GLIS1: variants seen among roughly 807,000 people sequenced by gnomAD.
GLIS1 encodes GLIS family zinc finger 1.
GLIS1 carries 24 observed loss-of-function variants against 63.8 expected under a neutral mutation model. The observed-to-expected ratio is 0.38, with a 90% confidence interval of 0.27 to 0.53. The LOEUF (loss-of-function observed/expected upper bound fraction) is 0.53, where lower values mean the gene tolerates loss of function less well. Among genes scored for constraint, GLIS1 ranks in the 20% least tolerant of loss-of-function variants. GLIS1 has a pLI of 0.85. For synonymous variants in GLIS1, 450 were observed against 482.5 expected, an observed-to-expected ratio of 0.93 and a Z score of 0.88; for missense variants, 1,036 against 1,074.1, an observed-to-expected ratio of 0.96 and a Z score of 0.50.
At chr1:53,599,913 T>A (rs966761640) in intron 3 of GLIS1, among the ~76,000 whole-genome samples, 188 bp downstream of exon 3, 3 of 152,216 alleles carry the variant, frequency 2.0e-5, no homozygotes, top group Non-Finnish European at 4.4e-5. Context: ...AACAGAACCA[T>A]CTTGTGTCTC....
In GLIS1 at chr1:53,506,458, C is replaced by A; in HGVS notation, c.*161G>T. 1.4e-6 allele frequency: 1 copy of A among 703,742 alleles called. No homozygotes were observed. 43.6% of individuals were successfully genotyped at this position (703,742 alleles called of 1,614,324 possible). ...TCAAGCTCGGATGGCGGCTCCCTGG[C>A]AGCGCTGGGTGGGGTGGCAGCGCTG... On this transcript the variant is annotated 3_prime_UTR_variant, in exon 11 of 11. Transcript: ENST00000628545.
At chr1:53,689,078 C>T (rs759494678) in intron 2 of GLIS1, among the ~76,000 whole-genome samples, 33 of 152,242 alleles carry the variant, frequency 2.2e-4, no homozygotes, top group Non-Finnish European at 4.4e-4. Flanking sequence ...TCTCTCAGGT[C>T]GTTTGATGGT....
intron 2 of GLIS1, among the ~76,000 whole-genome samples, chr1:53,616,155 A>G (rs1645480499): frequency 6.6e-6 from 1 of 152,166 alleles, no homozygotes; most frequent in South Asian, 2.1e-4. Context: ...AAATTCCATG[A>G]TTCTCTGATC....
At chr1:53,612,827 T>C (rs1478866625) in intron 2 of GLIS1, among the ~76,000 whole-genome samples, 1 of 151,478 alleles carries the variant, frequency 6.6e-6, no homozygotes, top group African/African-American at 2.4e-5. Flanking sequence ...TGCCTTTTTT[T>C]TTTTTTTTTG....
intron 2 of GLIS1, among the ~76,000 whole-genome samples, chr1:53,700,174 G>A (rs1292742460): frequency 1.3e-5 from 2 of 152,144 alleles, no homozygotes; most frequent in Non-Finnish European, 2.9e-5. Context: ...AGTGCGCAAG[G>A]CCCTCGGCCT....
At chr1:53,509,412 G>C (rs1644274162) in intron 9 of GLIS1, 125 bp from the exon 10 acceptor site, 3 of 1,065,676 alleles carry the variant, frequency 2.8e-6, no homozygotes, top group African/African-American at 1.6e-5. Flanking sequence ...GTGTGAGAGA[G>C]AGAGGAGGGC....
chr1:53,659,608 A>G (rs1646004117), intron 2 of GLIS1, among the ~76,000 whole-genome samples: 1 of 152,116 alleles, frequency 6.6e-6, no homozygotes, highest in South Asian at 2.1e-4. Flanking sequence ...GCAGACCCAG[A>G]GCCAATAATG....
chr1:53,516,967 AC>A (rs1319955278), intron 7 of GLIS1, among the ~76,000 whole-genome samples: 3 of 152,134 alleles, frequency 2.0e-5, no homozygotes, highest in Admixed American at 6.5e-5. Flanking sequence ...CAAAATAACT[AC>A]CATTAATTAA....
intron 2 of GLIS1, among the ~76,000 whole-genome samples, chr1:53,645,101 C>T (rs999392150): frequency 6.6e-5 from 10 of 152,200 alleles, no homozygotes; most frequent in Non-Finnish European, 1.0e-4. Context: ...CTGGCTATTC[C>T]GCACTCATGC....
intron 2 of GLIS1, among the ~76,000 whole-genome samples, chr1:53,647,951 C>A (rs1262612271): frequency 6.6e-6 from 1 of 152,122 alleles, no homozygotes; most frequent in South Asian, 2.1e-4. Flanking sequence ...GCAGGAGGAT[C>A]ACTTGAGCCC....
chr1:53,594,783 A>T lies in GLIS1; in HGVS notation c.645T>A (p.Leu215=). Residue 215 remains leucine (L), a synonymous_variant, in exon 4 of 11, where the codon CTT becomes CTA. Transcript: ENST00000628545. ...GGCCAGAGCTGGGTTCGCTGCCCAG[A>T]AGGTAGCAGGAAGGCGCAGGGGTGG... ...SLATPAPSCY[L]LGSEPSSGLG... The T allele has an allele frequency of 1.2e-6, 2 of 1,604,870 alleles. No individual in the cohort carries two copies. Among genetic ancestry groups the T allele is most frequent in the Non-Finnish European group, 1.7e-6 (2 of 1,175,898 alleles).
chr1:53,537,547 C>A (rs922098193), intron 4 of GLIS1, among the ~76,000 whole-genome samples: 2 of 152,198 alleles, frequency 1.3e-5, no homozygotes, highest in South Asian at 4.2e-4. Context: ...TCATTTCTGT[C>A]CTCGTTTTTC....
chr1:53,608,711 A>G (rs572092650), intron 2 of GLIS1, among the ~76,000 whole-genome samples: 1 of 152,358 alleles, frequency 6.6e-6, no homozygotes, highest in Admixed American at 6.5e-5. Flanking sequence ...CAGGCACTAC[A>G]TAACTGTTTG....
At chr1:53,568,488 C>T (rs144764353) in intron 4 of GLIS1, among the ~76,000 whole-genome samples, 3 of 151,990 alleles carry the variant, frequency 2.0e-5, no homozygotes, top group African/African-American at 4.8e-5. Context: ...ATTGGGAAGG[C>T]GTGATTGGTT....
intron 4 of GLIS1, among the ~76,000 whole-genome samples, chr1:53,562,840 T>C (rs1321397448): frequency 6.6e-6 from 1 of 152,184 alleles, no homozygotes; most frequent in Non-Finnish European, 1.5e-5. Flanking sequence ...CCGTGAAAGA[T>C]CATCATCTAG....
At chr1:53,514,595 C>T in intron 8 of GLIS1, 30 bp downstream of exon 8, 2 of 1,604,352 alleles carry the variant, frequency 1.2e-6, no homozygotes, top group African/African-American at 1.3e-5. Flanking sequence ...CCTTGTTGCC[C>T]CTGGAGGAGG....
intron 2 of GLIS1, among the ~76,000 whole-genome samples, chr1:53,677,011 A>G (rs1205842078): frequency 6.6e-6 from 1 of 152,234 alleles, no homozygotes; most frequent in African/African-American, 2.4e-5. Flanking sequence ...CTGGGACTGC[A>G]TGACGTGACA....
chr1:53,631,938 CA>C (rs1267059030), intron 2 of GLIS1, among the ~76,000 whole-genome samples: 1 of 151,704 alleles, frequency 6.6e-6, no homozygotes, highest in East Asian at 1.9e-4. Flanking sequence ...AAAGGAGAGA[CA>C]GGGGAATAAA....
At position 53,509,987 on chromosome 1, in the gene GLIS1, T is replaced by C; in HGVS notation, c.1924A>G (p.Lys642Glu). ...GGCAGCGGCGGTGGCCCCAGCCCCT[T>C]CAGGGGGCTGACTATTGGTGAGAGG... ...GLLSPIVSPL[K>E]GLGPPPLPPS... is the part of the protein sequence containing the mutation. Residue 642 changes from lysine to glutamate, a missense_variant, in exon 9 of 11, where the codon AAG becomes GAG. Coordinates refer to ENST00000628545, the MANE Select transcript of GLIS1 (RefSeq NM_001367484.1). The C allele has an allele frequency of 7.8e-7, 1 of 1,287,762 alleles. No individual in the cohort carries two copies. The highest frequency in any genetic ancestry group is 3.5e-5 in the Admixed American group (1 of 28,884). 79.8% of individuals were successfully genotyped at this position (1,287,762 alleles called of 1,614,324 possible). A position where few individuals can be genotyped will look rare whatever the true frequency, so the allele number is the denominator to read the frequency against.
Sources: allele counts gnomAD v4.1 joint callset (sites outside exome capture counted in the v4.1 genomes callset), GRCh38; gene constraint gnomAD v4.1.1; transcripts MANE v1.5; gene names NCBI Gene and HGNC (gene_info 2026-07-23, HGNC 2026-07-21).